Variants in LPIN2 observed in about 807,000 individuals in gnomAD.
The protein encoded by LPIN2 is lipin 2.
Under a neutral mutation model 111.4 loss-of-function variants are expected in LPIN2, and 55 were observed. The observed-to-expected ratio is 0.49, with a 90% CI of 0.40 to 0.62. LPIN2 has a LOEUF of 0.62. Ranked by LOEUF, LPIN2 falls within the 20% of genes least tolerant of loss-of-function variation. The pLI is 0.00. For missense variants in LPIN2, 992 were observed against 1,112.1 expected, an observed-to-expected ratio of 0.89 and a Z score of 1.54; for synonymous variants, 425 against 414.0, an observed-to-expected ratio of 1.03 and a Z score of -0.32.
In LPIN2 at chr18:2,926,171, T is replaced by C. The variant is rs150005619; in HGVS notation, c.1793+552A>G. ...AATTTTAGACACCCCTTAAAAGATA[T>C]AGGATGGGGGGCGGTAAGGGGCAAG... On this transcript the variant is annotated intron_variant, in intron 13 of 19. Transcript: ENST00000677752. Among the ~76,000 whole-genome samples, 764 of 151,920 alleles carry C rather than the reference T, an allele frequency of 5.0e-3. 6 individuals are homozygous for C. Among genetic ancestry groups the C allele is most frequent in the African/African-American group, 0.017 (717 of 41,394 alleles).
chr18:3,007,093 T>C (rs1320392465), intron 1 of LPIN2, among the ~76,000 whole-genome samples: 2 of 152,222 alleles, frequency 1.3e-5, no homozygotes, highest in East Asian at 3.8e-4. Flanking sequence ...AAATAACTCT[T>C]ATTCTCGAAT....
chr18:2,938,035 G>A lies in LPIN2; in HGVS notation c.825C>T (p.Val275=), dbSNP rs1296229873. 8.7e-6 allele frequency: 14 copies of A among 1,612,442 alleles called. No individual in the cohort carries two copies. The highest frequency in any genetic ancestry group is 1.7e-5 in the Admixed American group (1 of 59,994). The change falls in exon 7 of 20, where the codon GTC becomes GTT. Residue 275 remains valine (V), a splice_region_variant and synonymous_variant. Transcript: ENST00000677752. Reference sequence around the variant, plus strand: ...GATGGTCAGATCGTTCTCTTTTGCTGACCTAAAAAAGTTAAATTGTTTAAA... The same window carrying A: ...GATGGTCAGATCGTTCTCTTTTGCTAACCTAAAAAAGTTAAATTGTTTAAA... ...TWGGFPESTK[V]SKRERSDHHP...
intron 2 of LPIN2, among the ~76,000 whole-genome samples, chr18:2,956,137 AT>A (rs1467944798): frequency 6.6e-6 from 1 of 152,004 alleles, no homozygotes; most frequent in Non-Finnish European, 1.5e-5. Flanking sequence ...TTCTGAAACT[AT>A]TTTGTGTTTC....
At chr18:2,968,697 G>A (rs1253001604) in intron 1 of LPIN2, among the ~76,000 whole-genome samples, 10 of 152,190 alleles carry the variant, frequency 6.6e-5, no homozygotes, top group Non-Finnish European at 1.5e-4. Flanking sequence ...GGCAGTCCCA[G>A]GCAGAGAGAA....
chr18:2,975,329 G>C (rs1353281524), intron 1 of LPIN2, among the ~76,000 whole-genome samples: 1 of 152,162 alleles, frequency 6.6e-6, no homozygotes, highest in African/African-American at 2.4e-5. Flanking sequence ...TACCATACAT[G>C]AAAAATCTTA....
At chr18:3,010,683 T>C (rs749850169) in intron 1 of LPIN2, among the ~76,000 whole-genome samples, 1 of 152,204 alleles carries the variant, frequency 6.6e-6, no homozygotes, top group Non-Finnish European at 1.5e-5. Context: ...CCTCTTGATG[T>C]AAATTGCTAA....
At chr18:2,988,584 A>G (rs1423951361) in intron 1 of LPIN2, among the ~76,000 whole-genome samples, 1 of 152,196 alleles carries the variant, frequency 6.6e-6, no homozygotes, top group Non-Finnish European at 1.5e-5. Flanking sequence ...CCAGATGGTG[A>G]CGGTAATTGC....
At chr18:2,995,565 C>A (rs2078328167) in intron 1 of LPIN2, among the ~76,000 whole-genome samples, 1 of 152,222 alleles carries the variant, frequency 6.6e-6, no homozygotes, top group Non-Finnish European at 1.5e-5. Context: ...CATGAGGGCT[C>A]CCCTTTCTTC....
rs373758040 is a variant in LPIN2, at chr18:2,931,373, C to T, written c.1339G>A (p.Val447Met). The change falls in exon 9 of 20, where the codon GTG (valine) becomes ATG (methionine). Residue 447 changes from valine (V) to methionine (M), a missense_variant. Transcript: ENST00000677752. The part of the protein sequence containing the change: ...TLSGSQSPQS[V>M]GSAAADSGTE... ...CCGCTATCTGCAGCTGCGCTTCCCA[C>T]GGACTGTGGGGACTGGGAGCCAGAG... The T allele has an allele frequency of 9.5e-5, 153 of 1,612,770 alleles. No individual in the cohort carries two copies. The highest frequency in any genetic ancestry group is 1.2e-4 in the Non-Finnish European group (141 of 1,179,496).
chr18:2,945,777 CGACT>C, intron 4 of LPIN2: 1 of 1,260,604 alleles, frequency 7.9e-7, no homozygotes, highest in Non-Finnish European at 1.2e-6. Flanking sequence ...TGCTTCTACT[CGACT>C]AAGTTCTGGA....
Position 2,925,727 on chromosome 18 carries a change from T to C in LPIN2, c.1794-359A>G, listed in dbSNP as rs1273023595. On this transcript the variant is annotated intron_variant, in intron 13 of 19. Transcript: ENST00000677752. The surrounding 1 kb of genome is among the most constrained non-coding windows in gnomAD (Gnocchi z 4.1). ...TTACAATGATTTAACAAACTCCGGC[T>C]GGGTGCGGTGCCTCACACCTGTAAT... Among the ~76,000 whole-genome samples the C allele has an allele frequency of 6.6e-6, 1 of 152,208 alleles. No homozygotes were observed. The highest frequency in any genetic ancestry group is 1.5e-5 in the Non-Finnish European group (1 of 68,032).
intron 1 of LPIN2, among the ~76,000 whole-genome samples, chr18:2,969,998 C>A (rs529994288): frequency 6.6e-6 from 1 of 152,264 alleles, no homozygotes; most frequent in South Asian, 2.1e-4. Context: ...TGACAGCTGA[C>A]CTGACTGTTT....
chr18:2,978,383 T>C (rs1199672136), intron 1 of LPIN2, among the ~76,000 whole-genome samples: 2 of 152,146 alleles, frequency 1.3e-5, no homozygotes, highest in African/African-American at 4.8e-5. Flanking sequence ...CCTCAGGGAC[T>C]CCTGGTATGA....
intron 1 of LPIN2, among the ~76,000 whole-genome samples, chr18:2,963,261 C>G (rs967368759): frequency 6.6e-6 from 1 of 152,168 alleles, no homozygotes; most frequent in Non-Finnish European, 1.5e-5. Context: ...CCGTTAGTTA[C>G]GTCTGGAGGA....
At chr18:2,927,901 A>C in intron 11 of LPIN2, 90 bp from the exon 12 acceptor site, 2 of 1,047,018 alleles carry the variant, frequency 1.9e-6, no homozygotes, top group Non-Finnish European at 3.0e-6. Context: ...GGGCCTTACT[A>C]TGGAATGTGA....
chr18:2,943,063 A>G (rs2077388114), intron 4 of LPIN2, among the ~76,000 whole-genome samples: 1 of 152,190 alleles, frequency 6.6e-6, no homozygotes. Context: ...CAAATTCCGC[A>G]TCATTTTCTA....
intron 1 of LPIN2, among the ~76,000 whole-genome samples, chr18:2,962,926 A>C (rs994949554): frequency 6.6e-6 from 1 of 152,264 alleles, no homozygotes; most frequent in Non-Finnish European, 1.5e-5. Context: ...AATGTGTAAC[A>C]AGCTTCCATC....
intron 1 of LPIN2, among the ~76,000 whole-genome samples, chr18:3,012,610 C>A (rs952157533): frequency 6.6e-6 from 1 of 152,204 alleles, no homozygotes; most frequent in African/African-American, 2.4e-5. Flanking sequence ...GCCCCCGCCT[C>A]GCCGCAGATC....
intron 1 of LPIN2, among the ~76,000 whole-genome samples, chr18:2,964,139 C>T (rs2077752570): frequency 1.3e-5 from 2 of 151,276 alleles, no homozygotes; most frequent in South Asian, 2.1e-4. Flanking sequence ...AAAAATTAGC[C>T]GGGCGTGATG....
Sources: gnomAD v4.1 joint callset for allele counts (sites outside exome capture counted in the v4.1 genomes callset) on GRCh38, gnomAD v4.1.1 for gene constraint, Gnocchi (gnomAD v3.1) non-coding constraint, MANE v1.5 for transcripts, NCBI Gene and HGNC (gene_info 2026-07-23, HGNC 2026-07-21) for gene names.